LARP1: variants seen among roughly 807,000 people sequenced by gnomAD.
The protein encoded by LARP1 is La ribonucleoprotein 1, translational regulator.
Under a neutral mutation model 122.7 loss-of-function variants are expected in LARP1, and 36 were observed. That is an observed-to-expected ratio of 0.29 (90% confidence interval 0.22 to 0.39). The LOEUF (loss-of-function observed/expected upper bound fraction) is 0.39. Ranked by LOEUF, LARP1 falls within the 10% of genes least tolerant of loss-of-function variation. The pLI, the probability that LARP1 is intolerant of heterozygous loss-of-function variation, is 1.00. For missense variants in LARP1, 1,040 were observed against 1,403.6 expected, an observed-to-expected ratio of 0.74 and a Z score of 4.14; for synonymous variants, 539 against 528.7, an observed-to-expected ratio of 1.02 and a Z score of -0.27.
intron 1 of LARP1, among the ~76,000 whole-genome samples, chr5:154,780,812 A>G (rs549758392): frequency 6.6e-6 from 1 of 152,366 alleles, no homozygotes; most frequent in South Asian, 2.1e-4. Context: ...CTGTAATCCC[A>G]GTACCTTGGG....
At chr5:154,710,377 C>T (rs1490320178), upstream of LARP1, among the ~76,000 whole-genome samples, 1 of 151,852 alleles carries the variant, frequency 6.6e-6, no homozygotes, top group Non-Finnish European at 1.5e-5. Flanking sequence ...TTTGGAAGGC[C>T]GAGGTGGGAG....
chr5:154,732,798 C>G (rs901493555), intron 1 of LARP1, among the ~76,000 whole-genome samples: 1 of 152,184 alleles, frequency 6.6e-6, no homozygotes, highest in African/African-American at 2.4e-5. Context: ...CCTTAAGGCT[C>G]TCAGAGCTCC....
At chr5:154,693,109 G>T (rs1274379126) in intron 1 of LARP1, among the ~76,000 whole-genome samples, 3 of 151,602 alleles carry the variant, frequency 2.0e-5, no homozygotes, top group Non-Finnish European at 2.9e-5. Context: ...ACAGGTGTGA[G>T]CCACTGTGAC....
chr5:154,695,482 C>G (rs1416884371), intron 1 of LARP1, among the ~76,000 whole-genome samples: 1 of 151,884 alleles, frequency 6.6e-6, no homozygotes, highest in Non-Finnish European at 1.5e-5. Flanking sequence ...CATGGTGAAA[C>G]CCCGTCTCTA....
intron 1 of LARP1, among the ~76,000 whole-genome samples, chr5:154,697,150 C>T (rs560453507): frequency 6.6e-5 from 10 of 151,530 alleles, no homozygotes; most frequent in East Asian, 1.9e-4. Context: ...TCTTGGGGCC[C>T]GCCAGGAATT....
chr5:154,729,522 G>T (rs983368305), intron 1 of LARP1: 7 of 424,704 alleles, frequency 1.6e-5, no homozygotes, highest in African/African-American at 1.5e-4. Flanking sequence ...TCTAAGAGCT[G>T]ACATAGCTTC....
chr5:154,712,989 G>A (rs771704804), exon 1 of LARP1: 36 of 1,614,056 alleles, frequency 2.2e-5, no homozygotes, highest in Middle Eastern at 3.3e-4. Flanking sequence ...GGATTTCCAA[G>A]AGGCTCCCAT....
At chr5:154,714,753 G>A (rs1755397199) in intron 1 of LARP1, among the ~76,000 whole-genome samples, 1 of 152,226 alleles carries the variant, frequency 6.6e-6, no homozygotes, top group Non-Finnish European at 1.5e-5. Context: ...AGAGCCTATG[G>A]TAGAAGGAGT....
chr5:154,803,185 C>T lies in LARP1; in HGVS notation c.2110-105C>T, dbSNP rs758236395. 1.2e-5 allele frequency: 17 copies of T among 1,449,854 alleles called. 1 individual carries two copies. Among genetic ancestry groups the T allele is most frequent in the Admixed American group, 8.7e-5 (5 of 57,212 alleles). The allele number at this position is 1,449,854 out of a possible 1,614,324, so 89.8% of individuals were successfully genotyped here. Reference sequence around the variant, plus strand: ...GGGACCAGAATTCCACGTATGTCGACGTGGGAGCTGCCCTCTCCAACTTCC... The same window carrying T: ...GGGACCAGAATTCCACGTATGTCGATGTGGGAGCTGCCCTCTCCAACTTCC... On this transcript the variant is annotated intron_variant, in intron 11 of 18. Transcript: ENST00000518297. This position sits in a 1 kb window ranked among gnomAD's most constrained non-coding sequence, Gnocchi z 4.4.
At chr5:154,713,643 A>G (rs918496332) in intron 1 of LARP1, among the ~76,000 whole-genome samples, 5 of 152,074 alleles carry the variant, frequency 3.3e-5, no homozygotes, top group African/African-American at 1.2e-4. Flanking sequence ...CAGGTGGGGA[A>G]CTCCTAGATC....
chr5:154,728,306 A>G (rs1756352342), intron 1 of LARP1, among the ~76,000 whole-genome samples: 1 of 152,118 alleles, frequency 6.6e-6, no homozygotes, highest in African/African-American at 2.4e-5. Context: ...AATTCTTCCC[A>G]TTCGTGTACC....
intron 1 of LARP1, among the ~76,000 whole-genome samples, chr5:154,777,082 C>T (rs1482681924): frequency 6.6e-6 from 1 of 152,180 alleles, no homozygotes; most frequent in African/African-American, 2.4e-5. Context: ...GCACAACGTA[C>T]TATGGACTTA....
intron 1 of LARP1, among the ~76,000 whole-genome samples, chr5:154,780,832 C>T (rs988113468): frequency 4.6e-5 from 7 of 152,258 alleles, no homozygotes; most frequent in African/African-American, 1.2e-4. Context: ...GAGGCTGAGG[C>T]GGGTGGATCA....
At chr5:154,772,175 C>G (rs950835430) in intron 1 of LARP1, among the ~76,000 whole-genome samples, 3 of 152,158 alleles carry the variant, frequency 2.0e-5, no homozygotes, top group Admixed American at 2.0e-4. Flanking sequence ...TTAAAATTTT[C>G]TAGTAGCCAA....
Position 154,739,269 on chromosome 5 carries a change from C to G in LARP1, c.205+26139C>G, listed in dbSNP as rs1048102939. On this transcript the variant is annotated intron_variant, in intron 1 of 18. Transcript: ENST00000336314. ...TCTCCTGACCTCGTGATCCGCCCAC[C>G]TCGGCCTCCCAAAGTGCTGGGATTA... is the stretch of plus-strand genomic sequence containing the variant. Among the ~76,000 whole-genome samples, 3 of 152,250 alleles carry G rather than the reference C, an allele frequency of 2.0e-5. No homozygotes were observed. The South Asian group carries it at 6.2e-4, about 32-fold the overall frequency.
At chr5:154,690,400 C>A (rs1754137155) in intron 1 of LARP1, among the ~76,000 whole-genome samples, 2 of 152,156 alleles carry the variant, frequency 1.3e-5, no homozygotes, top group Admixed American at 6.5e-5. Context: ...CTTTGTCGTG[C>A]GGCAAGCCCC....
At position 154,756,213 on chromosome 5, in the gene LARP1, C is replaced by T; in HGVS notation, c.436+20C>T. On this transcript the variant is annotated intron_variant, in intron 1 of 18. Coordinates refer to ENST00000518297, the MANE Select transcript of LARP1 (RefSeq NM_033551.3). Reference sequence around the variant, plus strand: ...CCCCAGGTGGGTCTCCCTCCTTGCCCTCCTGGGTCCGGGGGCCTCTTCCGG... The same window carrying T: ...CCCCAGGTGGGTCTCCCTCCTTGCCTTCCTGGGTCCGGGGGCCTCTTCCGG... 8.0e-7 allele frequency: 1 copy of T among 1,242,820 alleles called. No individual in the cohort carries two copies. Among genetic ancestry groups the T allele is most frequent in the Non-Finnish European group, 1.0e-6 (1 of 965,978 alleles). 77.0% of individuals were successfully genotyped at this position (1,242,820 alleles called of 1,614,324 possible).
intron 16 of LARP1, among the ~76,000 whole-genome samples, chr5:154,809,699 CTT>C (rs773095772): frequency 6.7e-5 from 9 of 134,916 alleles, no homozygotes; most frequent in Non-Finnish European, 3.2e-5. Flanking sequence ...TATACTATTT[CTT>C]TTTTTTTTTT....
At chr5:154,747,640 CA>C (rs1275371749) in intron 1 of LARP1, among the ~76,000 whole-genome samples, 1 of 151,942 alleles carries the variant, frequency 6.6e-6, no homozygotes, top group Non-Finnish European at 1.5e-5. Context: ...GAGGTTGCGG[CA>C]GTGAGCCGAG....
Sources: gnomAD v4.1 joint callset for allele counts (sites outside exome capture counted in the v4.1 genomes callset) on GRCh38, gnomAD v4.1.1 for gene constraint, Gnocchi (gnomAD v3.1) non-coding constraint, MANE v1.5 for transcripts, NCBI Gene and HGNC (gene_info 2026-07-23, HGNC 2026-07-21) for gene names.